The following MAML2 variants were observed in gnomAD, a reference collection of about 807,000 sequenced individuals.
MAML2 encodes mastermind like transcriptional coactivator 2.
MAML2 carries 22 observed loss-of-function variants against 96.1 expected under a neutral mutation model. That is an observed-to-expected ratio of 0.23 (90% CI 0.16 to 0.33). The LOEUF is 0.33. MAML2 is among the 10% of genes least tolerant of loss of function. The pLI is 1.00. For missense variants in MAML2, 1,367 were observed against 1,392.4 expected, an observed-to-expected ratio of 0.98 and a Z score of 0.29; for synonymous variants, 561 against 521.3, an observed-to-expected ratio of 1.08 and a Z score of -1.04.
chr11:96,172,031 G>A (rs749620501), intron 1 of MAML2, among the ~76,000 whole-genome samples: 27 of 152,226 alleles, frequency 1.8e-4, no homozygotes, highest in African/African-American at 3.1e-4. Flanking sequence ...TGTAGAGAGC[G>A]ACACTTGGGC....
intron 1 of MAML2, among the ~76,000 whole-genome samples, chr11:96,265,255 G>A (rs1862810327): frequency 6.6e-6 from 1 of 152,186 alleles, no homozygotes; most frequent in African/African-American, 2.4e-5. Context: ...GAGGACGAGG[G>A]GAGAGTTGGC....
At chr11:96,011,725 C>G (rs1021404215) in intron 2 of MAML2, among the ~76,000 whole-genome samples, 1 of 151,790 alleles carries the variant, frequency 6.6e-6, no homozygotes, top group Non-Finnish European at 1.5e-5. Flanking sequence ...TAAAAACAAG[C>G]AAACAAAAAA....
rs545400433 is a variant in MAML2 at position 96,028,363 on chromosome 11, C to G, written c.2140-36640G>C. 3.9e-5 allele frequency among the ~76,000 whole-genome samples: 6 copies of G among 152,304 alleles called. No homozygotes were observed. The South Asian group carries it at 1.2e-3, about 32-fold the overall frequency. On this transcript the variant is annotated intron_variant, in intron 2 of 4. Coordinates refer to ENST00000524717, the MANE Select transcript of MAML2 (RefSeq NM_032427.4). The stretch of plus-strand genomic sequence containing the variant: ...TTTCTGCACCTGGCTAATTCCCATT[C>G]ATTCTTCAAGGTTTAAACTCCACTT...
chr11:96,078,555 T>G (rs978572059), intron 2 of MAML2, among the ~76,000 whole-genome samples: 1 of 152,236 alleles, frequency 6.6e-6, no homozygotes, highest in African/African-American at 2.4e-5. Context: ...TCTAACTAAA[T>G]GAAAGGGCTT....
rs527903892 is a variant in MAML2, at chr11:96,269,741, C to T, written c.513+71642G>A. 3.5e-5 allele frequency among the ~76,000 whole-genome samples: 5 copies of T among 143,990 alleles called. No homozygotes were observed. The South Asian group carries it at 8.8e-4, about 25-fold the overall frequency. The allele number at this position is 143,990 out of a possible 152,430, so 94.5% of individuals were successfully genotyped here. The stretch of plus-strand genomic sequence containing the variant: ...GGCCAGGCTGACCTCAAACTCCTGA[C>T]GTCAAGCGATCTACATGCCTTGGCC... On this transcript the variant is annotated intron_variant, in intron 1 of 4. Coordinates refer to ENST00000524717, the MANE Select transcript of MAML2 (RefSeq NM_032427.4).
At chr11:96,236,487 T>C (rs1224145408) in intron 1 of MAML2, among the ~76,000 whole-genome samples, 2 of 152,136 alleles carry the variant, frequency 1.3e-5, no homozygotes, top group African/African-American at 4.8e-5. Flanking sequence ...AAAATAAAGG[T>C]ATTTTGGGGT....
intron 1 of MAML2, among the ~76,000 whole-genome samples, chr11:96,146,621 G>A (rs548770614): frequency 1.3e-5 from 2 of 152,266 alleles, no homozygotes; most frequent in South Asian, 4.1e-4. Flanking sequence ...TCTGTGTAAA[G>A]GACCTCAAAT....
chr11:96,152,620 C>G (rs1339470469), intron 1 of MAML2, among the ~76,000 whole-genome samples: 1 of 152,170 alleles, frequency 6.6e-6, no homozygotes, highest in Non-Finnish European at 1.5e-5. Flanking sequence ...AGTCTCCTGA[C>G]ACATGAACAC....
intron 1 of MAML2, among the ~76,000 whole-genome samples, chr11:96,304,048 C>T (rs578167701): frequency 3.3e-5 from 5 of 152,184 alleles, no homozygotes; most frequent in South Asian, 4.1e-4. Flanking sequence ...ACCTCCTTCT[C>T]GAATTCAGCA....
chr11:96,069,289 T>A (rs1200744116), intron 2 of MAML2, among the ~76,000 whole-genome samples: 1 of 152,130 alleles, frequency 6.6e-6, no homozygotes, highest in Non-Finnish European at 1.5e-5. Context: ...TTCTCTTTCT[T>A]TGTCTTTATC....
Position 96,075,534 on chromosome 11 carries a change from C to A in MAML2, c.2139+16358G>T, listed in dbSNP as rs1217317766. ...CACAAGCCAATAATATTCCATCAAC[C>A]ATCGAACACATATTTAAGTGCCTAC... On this transcript the variant is annotated intron_variant, in intron 2 of 4. Transcript: ENST00000524717. Among the ~76,000 whole-genome samples, 3 of 152,262 alleles carry A rather than the reference C, an allele frequency of 2.0e-5. No homozygotes were observed. The South Asian group carries it at 6.2e-4, about 32-fold the overall frequency.
chr11:96,223,726 C>G (rs564177603), intron 1 of MAML2, among the ~76,000 whole-genome samples: 1 of 152,070 alleles, frequency 6.6e-6, no homozygotes, highest in Non-Finnish European at 1.5e-5. Flanking sequence ...CGCTCCCACC[C>G]GCCATACCCA....
At chr11:96,073,488 T>A (rs897753077) in intron 2 of MAML2, among the ~76,000 whole-genome samples, 1 of 152,044 alleles carries the variant, frequency 6.6e-6, no homozygotes, top group Non-Finnish European at 1.5e-5. Flanking sequence ...GCCTGGCTAA[T>A]TTTTTGTATA....
At chr11:96,061,214 G>C (rs16922994) in intron 2 of MAML2, among the ~76,000 whole-genome samples, 1,963 of 152,302 alleles carry the variant, frequency 0.013, 43 homozygotes, top group African/African-American at 0.044. Flanking sequence ...TAGAAATCCT[G>C]TGAATTTGTC....
chr11:96,189,283 A>G (rs1415230502), intron 1 of MAML2, among the ~76,000 whole-genome samples: 1 of 152,212 alleles, frequency 6.6e-6, no homozygotes, highest in Non-Finnish European at 1.5e-5. Context: ...AATTTTTTAA[A>G]CAAGTAGCCA....
At chr11:96,169,659 C>CTTTTT (rs5793784) in intron 1 of MAML2, among the ~76,000 whole-genome samples, 1 of 144,894 alleles carries the variant, frequency 6.9e-6, no homozygotes, top group Admixed American at 6.8e-5. Context: ...AGAAAGTAAA[C>CTTTTT]TTTTTTTTTT....
At chr11:96,280,416 T>C (rs1863048348) in intron 1 of MAML2, among the ~76,000 whole-genome samples, 1 of 152,200 alleles carries the variant, frequency 6.6e-6, no homozygotes, top group Admixed American at 6.5e-5. Flanking sequence ...AAACTGTTAA[T>C]GAACTTTCTT....
chr11:96,332,105 TG>T (rs1455309632), intron 1 of MAML2, among the ~76,000 whole-genome samples: 1 of 152,226 alleles, frequency 6.6e-6, no homozygotes, highest in East Asian at 1.9e-4. Flanking sequence ...TTATATGATC[TG>T]GGTGCTACTC....
chr11:96,057,678 T>C (rs1236825944), intron 2 of MAML2, among the ~76,000 whole-genome samples: 2 of 152,252 alleles, frequency 1.3e-5, no homozygotes, highest in African/African-American at 4.8e-5. Context: ...ACACTTCATC[T>C]ATTTGGCTTT....
Sources: allele counts gnomAD v4.1 joint callset (sites outside exome capture counted in the v4.1 genomes callset), GRCh38; gene constraint gnomAD v4.1.1; transcripts MANE v1.5; gene names NCBI Gene and HGNC (gene_info 2026-07-23, HGNC 2026-07-21).